COL18A1: variants seen among roughly 807,000 people sequenced by gnomAD.
The protein encoded by COL18A1 is collagen alpha-1(XVIII) chain.
Under a neutral mutation model 168.0 loss-of-function variants are expected in COL18A1, and 133 were observed. The observed-to-expected ratio is 0.79, with a 90% confidence interval of 0.69 to 0.91. COL18A1 has a LOEUF of 0.91. Among genes scored for constraint, COL18A1 ranks in the 40% least tolerant of loss-of-function variants. The pLI is 0.00. For missense variants in COL18A1, 2,126 were observed against 1,925.4 expected (o/e 1.10, Z -1.95); for synonymous variants, 949 against 809.0 (o/e 1.17, Z -2.94).
Position 45,455,854 on chromosome 21 carries a change from C to T in COL18A1, c.107-12388C>T, listed in dbSNP as rs370000815. 1.6e-4 allele frequency: 257 copies of T among 1,613,042 alleles called. No homozygotes were observed. Among genetic ancestry groups the T allele is most frequent in the East Asian group, 6.7e-4 (30 of 44,888 alleles). Reference sequence around the variant, plus strand: ...CGGACGCGCCAGAGGAGAACATTGCCGGTGTCGGAGCCGAGATCCTGAACG... The same window carrying T: ...CGGACGCGCCAGAGGAGAACATTGCTGGTGTCGGAGCCGAGATCCTGAACG... On this transcript the variant is annotated intron_variant, in intron 2 of 41. Transcript: ENST00000651438.
chr21:45,423,619 G>A lies in COL18A1; in HGVS notation c.106+18146G>A, dbSNP rs940869070. Among the ~76,000 whole-genome samples the A allele has an allele frequency of 6.6e-6, 1 of 151,802 alleles. No individual in the cohort carries two copies. Among genetic ancestry groups the A allele is most frequent in the Non-Finnish European group, 1.5e-5 (1 of 67,986 alleles). Reference sequence around the variant, plus strand: ...TCCCCACCCCCACCTGAGTTACTGCGGAACCAAGGGGCTCATGGCCATTGA... The same window carrying A: ...TCCCCACCCCCACCTGAGTTACTGCAGAACCAAGGGGCTCATGGCCATTGA... On this transcript the variant is annotated intron_variant, in intron 2 of 41. Transcript: ENST00000651438. This position sits in a 1 kb window ranked among gnomAD's most constrained non-coding sequence, Gnocchi z 4.0.
At chr21:45,477,095 A>ATG (rs2035702527) in intron 6 of COL18A1, among the ~76,000 whole-genome samples, 1 of 152,196 alleles carries the variant, frequency 6.6e-6, no homozygotes. Flanking sequence ...GGGACAAAGC[A>ATG]TGCTGGGTGA....
At chr21:45,429,057 C>T (rs960373814) in intron 2 of COL18A1, among the ~76,000 whole-genome samples, 5 of 151,988 alleles carry the variant, frequency 3.3e-5, no homozygotes, top group African/African-American at 1.2e-4. Context: ...CGCGCCACCC[C>T]ACCCGGCCAA....
chr21:45,494,204 GAGCTGGGGCCTGTGGCA>G (rs1262996084), intron 26 of COL18A1: 1 of 501,722 alleles, frequency 2.0e-6, no homozygotes, highest in African/African-American at 1.9e-5. Context: ...CTGTGCATTG[GAGCTGGGGCCTGTGGCA>G]ACCAGGACAC....
chr21:45,405,750 G>A (rs181997900), intron 2 of COL18A1, among the ~76,000 whole-genome samples: 1,826 of 151,202 alleles, frequency 0.012, 35 homozygotes, highest in African/African-American at 0.042. Context: ...CGGCCGGCGG[G>A]GTCGTCGGTG....
At chr21:45,461,936 T>C (rs1411491985) in intron 2 of COL18A1, among the ~76,000 whole-genome samples, 3 of 152,244 alleles carry the variant, frequency 2.0e-5, no homozygotes, top group Admixed American at 6.5e-5. Flanking sequence ...CCTGGACCAT[T>C]TTCTGCAGGG....
intron 36 of COL18A1, 50 bp from the exon 37 acceptor site, chr21:45,505,781 GCCCCTGC>G: frequency 1.6e-6 from 2 of 1,286,262 alleles, no homozygotes; most frequent in Non-Finnish European, 2.2e-6. Context: ...CCTTCCTTCC[GCCCCTGC>G]CCCCCGCCCT....
chr21:45,492,394 C>T lies in COL18A1; in HGVS notation c.2158-141C>T, dbSNP rs192456266. 4.0e-6 allele frequency: 4 copies of T among 1,008,004 alleles called. No individual in the cohort carries two copies. In the East Asian group the frequency reaches 9.5e-5, roughly 24 times the overall value. 62.4% of individuals were successfully genotyped at this position (1,008,004 alleles called of 1,614,324 possible). ...GGGCGTCTGTGCTGCAGGAGGGATG[C>T]CCCAGGCCCAGGAAGACTGGAAAGC... On this transcript the variant is annotated intron_variant, in intron 22 of 41. Coordinates refer to ENST00000651438, the MANE Select transcript of COL18A1 (RefSeq NM_001379500.1).
rs11911319 is a variant in COL18A1 at position 45,428,156 on chromosome 21, C to T, written c.106+22683C>T. Among the ~76,000 whole-genome samples the T allele has an allele frequency of 7.3e-3, 1,115 of 152,272 alleles. 12 individuals are homozygous for T. Among genetic ancestry groups the T allele is most frequent in the African/African-American group, 0.026 (1,064 of 41,552 alleles). ...GAGTGCTGTGCAGGTTGGGGTCCGGCGCTCCTGCAGGCAGGCGGCGTCTGG... is the reference window on the plus strand; with the variant it reads ...GAGTGCTGTGCAGGTTGGGGTCCGGTGCTCCTGCAGGCAGGCGGCGTCTGG... On this transcript the variant is annotated intron_variant, in intron 2 of 41. Coordinates refer to ENST00000651438, the MANE Select transcript of COL18A1 (RefSeq NM_001379500.1).
chr21:45,479,658 G>T (rs191635027), intron 9 of COL18A1, among the ~76,000 whole-genome samples: 13 of 152,178 alleles, frequency 8.5e-5, no homozygotes, highest in Admixed American at 3.3e-4. Flanking sequence ...GGAGGCCTTC[G>T]GGGAACCTGC....
chr21:45,424,140 G>C (rs1393439501), intron 2 of COL18A1: 1 of 152,274 alleles, frequency 6.6e-6, no homozygotes, highest in Admixed American at 6.5e-5. Context: ...CGGGACCCTG[G>C]CAGGCCACCC....
At chr21:45,451,907 G>A (rs1206725648) in intron 2 of COL18A1, among the ~76,000 whole-genome samples, 1 of 152,142 alleles carries the variant, frequency 6.6e-6, no homozygotes, top group Non-Finnish European at 1.5e-5. Context: ...CCTCCCAGCC[G>A]CCCCATCAGA....
chr21:45,419,353 G>GCGATGCCGTGTGTGGTGACA (rs967410041), intron 2 of COL18A1, among the ~76,000 whole-genome samples: 1 of 151,866 alleles, frequency 6.6e-6, no homozygotes, highest in African/African-American at 2.4e-5. Flanking sequence ...GTAGTGATGC[G>GCGATGCCGTGTGTGGTGACA]CGATGCCGTG....
In COL18A1 at chr21:45,498,416, T is replaced by C. The variant is rs1280292992; in HGVS notation, c.2683+755T>C. 1 of 680,442 alleles carries C rather than the reference T, an allele frequency of 1.5e-6. No homozygotes were observed. The highest frequency in any genetic ancestry group is 2.1e-5 in the Admixed American group (1 of 48,544). 42.2% of individuals were successfully genotyped at this position (680,442 alleles called of 1,614,324 possible). A position where few individuals can be genotyped will look rare whatever the true frequency, so the allele number is the denominator to read the frequency against. On this transcript the variant is annotated intron_variant, in intron 32 of 41. Transcript: ENST00000651438. This position sits in a 1 kb window ranked among gnomAD's most constrained non-coding sequence, Gnocchi z 4.5. ...GTCCCCTCTCGCCGCCAGGGTCCCC[T>C]CTCGCCGCCACGGTCCCCTCTCGCC... is the stretch of plus-strand genomic sequence containing the variant.
At chr21:45,438,580 G>A (rs552165231) in intron 2 of COL18A1, among the ~76,000 whole-genome samples, 1 of 152,242 alleles carries the variant, frequency 6.6e-6, no homozygotes, top group Non-Finnish European at 1.5e-5. Flanking sequence ...CTGCAGGGCT[G>A]GTGTTCAGGG....
At chr21:45,431,324 G>C (rs2033951974) in intron 2 of COL18A1, among the ~76,000 whole-genome samples, 1 of 152,082 alleles carries the variant, frequency 6.6e-6, no homozygotes, top group South Asian at 2.1e-4. Context: ...TGGCTGCAGA[G>C]ACAGCGGAGC....
intron 6 of COL18A1, 96 bp downstream of exon 6, chr21:45,476,576 GGTGTGTGTA>G: frequency 7.0e-7 from 1 of 1,427,372 alleles, no homozygotes; most frequent in Non-Finnish European, 9.6e-7. Flanking sequence ...TGTGATGTAT[GGTGTGTGTA>G]GTGTGTGGTG....
chr21:45,421,743 C>A, intron 2 of COL18A1: 1 of 395,854 alleles, frequency 2.5e-6, no homozygotes, highest in South Asian at 1.9e-5. Context: ...CTGCCACCTC[C>A]CAGGCAGTAG....
chr21:45,512,186 A>T lies in COL18A1; in HGVS notation c.3810-2A>T, dbSNP rs77010807. ...TGACTGACGGCCCGGCGCGTCTTAC[A>T]GGCCCCAGAAGAGCGTGTGGCATGG... On this transcript the variant is annotated splice_acceptor_variant, in intron 41 of 41. Coordinates refer to ENST00000651438, the MANE Select transcript of COL18A1 (RefSeq NM_001379500.1). LOFTEE classifies it high-confidence loss of function. 1 of 1,611,432 alleles carries T rather than the reference A, an allele frequency of 6.2e-7. No homozygotes were observed. The highest frequency in any genetic ancestry group is 2.2e-5 in the East Asian group (1 of 44,796).
Sources: allele counts gnomAD v4.1 joint callset (sites outside exome capture counted in the v4.1 genomes callset), GRCh38; gene constraint gnomAD v4.1.1; non-coding constraint Gnocchi (gnomAD v3.1); transcripts MANE v1.5; gene names NCBI Gene and HGNC (gene_info 2026-07-23, HGNC 2026-07-21).